The following GRID1 variants were observed in gnomAD, a reference collection of about 807,000 sequenced individuals.
The protein encoded by GRID1 is glutamate ionotropic receptor delta type subunit 1.
A neutral mutation model predicts 98.0 loss-of-function variants in GRID1; 28 were observed. That is an observed-to-expected ratio of 0.29 (90% CI 0.21 to 0.39). The LOEUF (loss-of-function observed/expected upper bound fraction) is 0.39. Ranked by LOEUF, GRID1 falls within the 10% of genes least tolerant of loss-of-function variation. The pLI is 1.00. For missense variants in GRID1, 1,111 were observed against 1,340.5 expected, an observed-to-expected ratio of 0.83 and a Z score of 2.67; for synonymous variants, 553 against 538.5, an observed-to-expected ratio of 1.03 and a Z score of -0.37.
intron 3 of GRID1, among the ~76,000 whole-genome samples, chr10:86,175,407 T>C (rs1845561225): frequency 6.6e-6 from 1 of 150,390 alleles, no homozygotes; most frequent in Non-Finnish European, 1.5e-5. Context: ...TAAAAACATC[T>C]CCCTCTTGAT....
chr10:86,239,209 G>C (rs2492739), intron 2 of GRID1, among the ~76,000 whole-genome samples: 95,820 of 152,128 alleles, frequency 0.63, 30,689 homozygotes, highest in Non-Finnish European at 0.68. Context: ...GAAGCTTTAA[G>C]ATTTAGTGAC....
intron 4 of GRID1, among the ~76,000 whole-genome samples, chr10:86,059,932 T>C (rs1403701731): frequency 1.3e-5 from 2 of 152,200 alleles, no homozygotes; most frequent in Non-Finnish European, 2.9e-5. Context: ...CGAGTATACG[T>C]AGCTTGTGAT....
At chr10:86,113,080 C>T (rs1844513592) in intron 4 of GRID1, among the ~76,000 whole-genome samples, 1 of 152,180 alleles carries the variant, frequency 6.6e-6, no homozygotes, top group Non-Finnish European at 1.5e-5. Context: ...AAGGGTCTTA[C>T]TCATCTGATG....
intron 12 of GRID1, among the ~76,000 whole-genome samples, chr10:85,668,247 G>A (rs1432708987): frequency 5.3e-5 from 8 of 152,180 alleles, no homozygotes; most frequent in African/African-American, 1.9e-4. Flanking sequence ...GTAAAAGAAA[G>A]AAATGCACAT....
chr10:86,097,263 G>A lies in GRID1; in HGVS notation c.726+41556C>T, dbSNP rs189988709. On this transcript the variant is annotated intron_variant, in intron 4 of 15. Coordinates refer to ENST00000327946, the MANE Select transcript of GRID1 (RefSeq NM_017551.3). ...AATCCCAGACGATAGATATATAATA[G>A]ATGATAGATAGATGAGAGAGGATTT... is the stretch of plus-strand genomic sequence containing the variant. Among the ~76,000 whole-genome samples the A allele has an allele frequency of 5.1e-4, 77 of 152,258 alleles. 2 individuals carry two copies. The highest frequency in any genetic ancestry group is 3.4e-3 in the Middle Eastern group (1 of 294).
chr10:85,983,682 C>T (rs903937542), intron 4 of GRID1, among the ~76,000 whole-genome samples: 4 of 152,108 alleles, frequency 2.6e-5, no homozygotes, highest in African/African-American at 9.7e-5. Flanking sequence ...GCTGAATGAG[C>T]CTCAGGCCCT....
At chr10:86,118,113 T>TACAC (rs1247210832) in intron 4 of GRID1, among the ~76,000 whole-genome samples, 1 of 151,636 alleles carries the variant, frequency 6.6e-6, no homozygotes. Context: ...TAGATATATA[T>TACAC]ACACACACAC....
Position 86,080,259 on chromosome 10 carries a change from G to A in GRID1, c.726+58560C>T, listed in dbSNP as rs556658835. Among the ~76,000 whole-genome samples the A allele has an allele frequency of 2.6e-3, 391 of 151,608 alleles. 2 individuals are homozygous for A. The highest frequency in any genetic ancestry group is 4.6e-3 in the Non-Finnish European group (309 of 67,866). ...TGAGGCAGGAGAATTGCTTGAACCC[G>A]GGAGGCAGAGGTTGCAGTGAGCCAA... On this transcript the variant is annotated intron_variant, in intron 4 of 15. Coordinates refer to ENST00000327946, the MANE Select transcript of GRID1 (RefSeq NM_017551.3).
rs143031131 is a variant in GRID1, at chr10:85,786,580, G to A, written c.1234-56966C>T. Among the ~76,000 whole-genome samples the A allele has an allele frequency of 1.4e-4, 21 of 152,276 alleles. No homozygotes were observed. The East Asian group carries it at 1.5e-3, about 11-fold the overall frequency. On this transcript the variant is annotated intron_variant, in intron 8 of 15. Coordinates refer to ENST00000327946, the MANE Select transcript of GRID1 (RefSeq NM_017551.3). ...GCCCGCAAGGCATAGCTTTCTCCCC[G>A]ACATCCCTCCCACCCTGCTGCCTCA... is the stretch of plus-strand genomic sequence containing the variant.
chr10:85,692,677 A>AAAAG (rs1554825170), intron 12 of GRID1, among the ~76,000 whole-genome samples: 4 of 150,108 alleles, frequency 2.7e-5, no homozygotes, highest in African/African-American at 5.0e-5. Flanking sequence ...AAAAAAAAAA[A>AAAAG]AAGAAGAAGA....
chr10:85,989,917 G>C (rs1396521136), intron 4 of GRID1, among the ~76,000 whole-genome samples: 1 of 152,162 alleles, frequency 6.6e-6, no homozygotes, highest in Admixed American at 6.5e-5. Flanking sequence ...CTCATAATGA[G>C]TGCCTTATAA....
chr10:85,923,978 A>C (rs79687918), intron 4 of GRID1, among the ~76,000 whole-genome samples: 4,624 of 152,128 alleles, frequency 0.03, 97 homozygotes, highest in Middle Eastern at 0.054. Context: ...ATTTTTTTGC[A>C]TATGGGGAGT....
intron 2 of GRID1, among the ~76,000 whole-genome samples, chr10:86,317,477 T>G (rs1156570963): frequency 6.6e-6 from 1 of 152,232 alleles, no homozygotes; most frequent in Non-Finnish European, 1.5e-5. Context: ...TACCCACAAT[T>G]ACATCTCACC....
chr10:85,605,146 A>G (rs1199814933), intron 15 of GRID1, among the ~76,000 whole-genome samples: 1 of 152,218 alleles, frequency 6.6e-6, no homozygotes, highest in Non-Finnish European at 1.5e-5. Flanking sequence ...GCCCAGCATC[A>G]AGCCTGCATC....
intron 2 of GRID1, among the ~76,000 whole-genome samples, chr10:86,309,543 C>A (rs145916743): frequency 6.6e-6 from 1 of 152,158 alleles, no homozygotes; most frequent in Admixed American, 6.5e-5. Flanking sequence ...AGTAAAGAAT[C>A]GGAGAAGTCC....
intron 12 of GRID1, among the ~76,000 whole-genome samples, chr10:85,685,429 A>G (rs1182752021): frequency 6.6e-6 from 1 of 152,206 alleles, no homozygotes; most frequent in East Asian, 1.9e-4. Flanking sequence ...CAATAAATAG[A>G]CTACCAATTA....
intron 2 of GRID1, among the ~76,000 whole-genome samples, chr10:86,277,165 A>G: frequency 6.6e-6 from 1 of 152,342 alleles, no homozygotes; most frequent in Non-Finnish European, 1.5e-5. Flanking sequence ...AGCAATATGA[A>G]TGTACTTAAG....
At chr10:86,059,930 C>A (rs776082319) in intron 4 of GRID1, among the ~76,000 whole-genome samples, 3 of 152,086 alleles carry the variant, frequency 2.0e-5, no homozygotes, top group African/African-American at 4.8e-5. Flanking sequence ...AACGAGTATA[C>A]GTAGCTTGTG....
chr10:85,652,543 G>C (rs1843286264), intron 12 of GRID1, among the ~76,000 whole-genome samples: 1 of 152,148 alleles, frequency 6.6e-6, no homozygotes, highest in Admixed American at 6.5e-5. Flanking sequence ...ATCCATCCTG[G>C]TGACTTGAAA....
Sources: allele counts gnomAD v4.1 joint callset (sites outside exome capture counted in the v4.1 genomes callset), GRCh38; gene constraint gnomAD v4.1.1; transcripts MANE v1.5; gene names NCBI Gene and HGNC (gene_info 2026-07-23, HGNC 2026-07-21).